RAB3C: variants seen among roughly 807,000 people sequenced by gnomAD.
The protein encoded by RAB3C is RAB3C, member RAS oncogene family, also known as ras-related protein Rab-3C.
RAB3C carries 17 observed loss-of-function variants against 26.4 expected under a neutral mutation model. The ratio of observed to expected loss-of-function variants is 0.64; its 90% CI spans 0.44 to 0.97. The LOEUF is 0.97. Ranked by LOEUF, RAB3C falls within the 50% of genes least tolerant of loss-of-function variation. The probability of loss-of-function intolerance (pLI) is 0.00; values close to 1 mark genes in which losing one functional copy is unlikely to be tolerated. For synonymous variants in RAB3C, 91 were observed against 95.9 expected (o/e 0.95, Z 0.30); for missense variants, 242 against 281.9 (o/e 0.86, Z 1.01).
chr5:58,762,386 A>G (rs540786937), intron 3 of RAB3C, among the ~76,000 whole-genome samples: 20 of 152,274 alleles, frequency 1.3e-4, no homozygotes, highest in Non-Finnish European at 2.6e-4. Flanking sequence ...TCTTCCTGAA[A>G]TTTAATTAAT....
At position 58,838,109 on chromosome 5, in the gene RAB3C, G is replaced by T. The variant is rs139344246; in HGVS notation, c.496+12947G>T. 5.3e-3 allele frequency among the ~76,000 whole-genome samples: 809 copies of T among 152,216 alleles called. 5 individuals are homozygous for T. Among genetic ancestry groups the T allele is most frequent in the Non-Finnish European group, 8.6e-3 (587 of 68,014 alleles). Reference sequence around the variant, plus strand: ...AAAAACAACTTTTTGGCCAGGTGCGGTGGGCTCACGCCTGTAATCCCAGTA... The same window carrying T: ...AAAAACAACTTTTTGGCCAGGTGCGTTGGGCTCACGCCTGTAATCCCAGTA... On this transcript the variant is annotated intron_variant, in intron 4 of 4. Coordinates refer to ENST00000282878, the MANE Select transcript of RAB3C (RefSeq NM_138453.4).
At chr5:58,588,395 A>G in intron 1 of RAB3C, among the ~76,000 whole-genome samples, 1 of 152,132 alleles carries the variant, frequency 6.6e-6, no homozygotes, top group South Asian at 2.1e-4. Flanking sequence ...AGTTTTGGCC[A>G]CTTGGTAATG....
chr5:58,615,328 C>T (rs1746800913), intron 1 of RAB3C, among the ~76,000 whole-genome samples: 1 of 152,116 alleles, frequency 6.6e-6, no homozygotes, highest in Non-Finnish European at 1.5e-5. Context: ...GCTGAACATT[C>T]TTACCAGACC....
At chr5:58,645,265 A>G (rs1166558929) in intron 2 of RAB3C, among the ~76,000 whole-genome samples, 1 of 152,202 alleles carries the variant, frequency 6.6e-6, no homozygotes, top group South Asian at 2.1e-4. Flanking sequence ...ACCACAGTAT[A>G]TAAATTGAGA....
intron 3 of RAB3C, among the ~76,000 whole-genome samples, chr5:58,759,220 G>C (rs1302653106): frequency 6.6e-6 from 1 of 152,206 alleles, no homozygotes; most frequent in Admixed American, 6.5e-5. Flanking sequence ...ACAGGGTCCT[G>C]AGGGAGATTA....
chr5:58,651,627 A>T (rs754412999), intron 2 of RAB3C, among the ~76,000 whole-genome samples: 1 of 152,208 alleles, frequency 6.6e-6, no homozygotes, highest in Non-Finnish European at 1.5e-5. Context: ...TTCAACTTCA[A>T]TGAATTTATT....
At chr5:58,668,858 A>C (rs1463139163) in intron 2 of RAB3C, among the ~76,000 whole-genome samples, 5 of 152,132 alleles carry the variant, frequency 3.3e-5, no homozygotes, top group African/African-American at 1.2e-4. Flanking sequence ...AATACCATAG[A>C]CTGGGTGGCT....
At chr5:58,750,040 T>C (rs906723392) in intron 3 of RAB3C, among the ~76,000 whole-genome samples, 5 of 152,200 alleles carry the variant, frequency 3.3e-5, no homozygotes, top group South Asian at 2.1e-4. Context: ...TTTCATACTG[T>C]ATTATAATTT....
chr5:58,792,527 A>G (rs916026853), intron 3 of RAB3C, among the ~76,000 whole-genome samples: 2 of 152,082 alleles, frequency 1.3e-5, no homozygotes, highest in East Asian at 1.9e-4. Flanking sequence ...GGACTAGTAC[A>G]GTGCAGTGGA....
At chr5:58,838,699 T>C (rs1743803802) in intron 4 of RAB3C, among the ~76,000 whole-genome samples, 1 of 152,226 alleles carries the variant, frequency 6.6e-6, no homozygotes, top group Admixed American at 6.5e-5. Context: ...TCAATGTCTG[T>C]TAGGTCCATC....
At chr5:58,750,374 T>C (rs1741496378) in intron 3 of RAB3C, among the ~76,000 whole-genome samples, 2 of 152,264 alleles carry the variant, frequency 1.3e-5, no homozygotes, top group African/African-American at 2.4e-5. Context: ...CTCATTTTTC[T>C]TCTTAATTCT....
chr5:58,780,967 A>G (rs560572108), intron 3 of RAB3C, among the ~76,000 whole-genome samples: 2 of 152,158 alleles, frequency 1.3e-5, no homozygotes, highest in African/African-American at 4.8e-5. Context: ...GTCTGTAACT[A>G]TGTACCAGCT....
At chr5:58,692,311 T>C (rs1748586704) in intron 2 of RAB3C, among the ~76,000 whole-genome samples, 3 of 151,826 alleles carry the variant, frequency 2.0e-5, no homozygotes, top group Admixed American at 2.0e-4. Context: ...AGTATACTAT[T>C]AGTCAGAAAT....
intron 1 of RAB3C, among the ~76,000 whole-genome samples, chr5:58,596,969 T>A (rs1228646722): frequency 1.1e-5 from 1 of 90,980 alleles, no homozygotes. Context: ...ATATATTACA[T>A]ATAAACATAT....
intron 3 of RAB3C, among the ~76,000 whole-genome samples, chr5:58,749,935 A>G (rs115895295): frequency 0.011 from 1,701 of 152,334 alleles, 35 homozygotes; most frequent in African/African-American, 0.04. Flanking sequence ...TTATGGTTGT[A>G]TGTGATTACA....
At chr5:58,827,874 T>C (rs528987939) in intron 4 of RAB3C, among the ~76,000 whole-genome samples, 2 of 152,354 alleles carry the variant, frequency 1.3e-5, no homozygotes, top group African/African-American at 4.8e-5. Flanking sequence ...TTAAAGGTCT[T>C]TGCTTTGTTT....
At chr5:58,847,556 G>C (rs1405750633) in intron 4 of RAB3C, among the ~76,000 whole-genome samples, 9 of 152,198 alleles carry the variant, frequency 5.9e-5, no homozygotes, top group Non-Finnish European at 1.5e-5. Flanking sequence ...AACAAAGGCT[G>C]TAGTGGTTGC....
At chr5:58,828,814 T>A (rs1208384510) in intron 4 of RAB3C, among the ~76,000 whole-genome samples, 1 of 149,496 alleles carries the variant, frequency 6.7e-6, no homozygotes, top group Non-Finnish European at 1.5e-5. Flanking sequence ...AACACTGGCT[T>A]TTGTGGGAAG....
At chr5:58,674,247 CTG>C (rs1748179049) in intron 2 of RAB3C, among the ~76,000 whole-genome samples, 1 of 152,314 alleles carries the variant, frequency 6.6e-6, no homozygotes, top group Middle Eastern at 3.4e-3. Flanking sequence ...TGAATCATCC[CTG>C]TGAGTATTAC....
Sources: gnomAD v4.1 joint callset for allele counts (sites outside exome capture counted in the v4.1 genomes callset) on GRCh38, gnomAD v4.1.1 for gene constraint, MANE v1.5 for transcripts, NCBI Gene and HGNC (gene_info 2026-07-23, HGNC 2026-07-21) for gene names.